SSBP2: variants seen among roughly 807,000 people sequenced by gnomAD.
SSBP2 encodes single stranded DNA binding protein 2.
In SSBP2, 17 loss-of-function variants were observed where a neutral mutation model predicts 61.8. The observed-to-expected ratio is 0.28, with a 90% CI of 0.19 to 0.41. The LOEUF (loss-of-function observed/expected upper bound fraction) is 0.41. Ranked by LOEUF, SSBP2 falls within the 10% of genes least tolerant of loss-of-function variation. The pLI is 1.00. For synonymous variants in SSBP2, 139 were observed against 141.3 expected (o/e 0.98, Z 0.12); for missense variants, 310 against 458.7 (o/e 0.68, Z 2.96).
Position 81,502,369 on chromosome 5 carries a change from G to A in SSBP2, c.372+11259C>T, listed in dbSNP as rs78246445. ...GTCTCAAGGGCTGCTCTTTTTGGCT[G>A]GTTCCTCTTCATTTTCCTAATTTCT... On this transcript the variant is annotated intron_variant, in intron 5 of 16. Coordinates refer to ENST00000320672, the MANE Select transcript of SSBP2 (RefSeq NM_012446.5). 9.3e-3 allele frequency among the ~76,000 whole-genome samples: 1,418 copies of A among 152,216 alleles called. 20 individuals carry two copies. The highest frequency in any genetic ancestry group is 0.032 in the African/African-American group (1,310 of 41,526).
chr5:81,514,243 G>A (rs1176164692), intron 4 of SSBP2, among the ~76,000 whole-genome samples: 3 of 151,818 alleles, frequency 2.0e-5, no homozygotes, highest in South Asian at 2.1e-4. Context: ...ACTGTAACTG[G>A]TAGCCAAAGT....
chr5:81,439,428 T>C (rs1419713995), intron 14 of SSBP2, among the ~76,000 whole-genome samples: 1 of 152,136 alleles, frequency 6.6e-6, no homozygotes, highest in Non-Finnish European at 1.5e-5. Context: ...TTCTCACTAT[T>C]GTTAAAATTT....
At chr5:81,430,949 C>T (rs1175827417) in intron 15 of SSBP2, among the ~76,000 whole-genome samples, 1 of 152,112 alleles carries the variant, frequency 6.6e-6, no homozygotes, top group African/African-American at 2.4e-5. Flanking sequence ...AACAGAAGCT[C>T]CTCAATGGGA....
intron 2 of SSBP2, among the ~76,000 whole-genome samples, chr5:81,638,618 G>A (rs1748484535): frequency 6.6e-6 from 1 of 151,362 alleles, no homozygotes; most frequent in African/African-American, 2.4e-5. Context: ...GGGTATCCCT[G>A]TAAAAACTTT....
chr5:81,627,876 A>G (rs1747324579), intron 3 of SSBP2, among the ~76,000 whole-genome samples: 1 of 152,052 alleles, frequency 6.6e-6, no homozygotes, highest in Admixed American at 6.6e-5. Context: ...AGCCTGAGCA[A>G]CAACAGCAAA....
intron 1 of SSBP2, among the ~76,000 whole-genome samples, chr5:81,676,521 G>C (rs563143825): frequency 1.3e-5 from 2 of 152,104 alleles, no homozygotes; most frequent in South Asian, 4.2e-4. Context: ...AAACCACACC[G>C]AACAGTCCCC....
At position 81,615,504 on chromosome 5, in the gene SSBP2, T is replaced by A. The variant is rs759482204; in HGVS notation, c.251A>T (p.His84Leu). Residue 84 changes from histidine (H) to leucine (L), a missense_variant, in exon 4 of 17, where the codon CAC becomes CTC. By Grantham distance (99) the His-to-Leu change is moderately conservative (BLOSUM62 -3). Coordinates refer to ENST00000320672, the MANE Select transcript of SSBP2 (RefSeq NM_012446.5). ...ATGGAAGGCTTTTGCTTCACTTGAG[T>A]GTTCACATGTTTCACGTCTCTCTGG... is the stretch of plus-strand genomic sequence containing the variant. 1 of 1,613,822 alleles carries A rather than the reference T, an allele frequency of 6.2e-7. No homozygotes were observed. The highest frequency in any genetic ancestry group is 1.7e-5 in the Admixed American group (1 of 60,026).
At chr5:81,675,816 T>C (rs1459724904) in intron 1 of SSBP2, among the ~76,000 whole-genome samples, 2 of 152,150 alleles carry the variant, frequency 1.3e-5, no homozygotes, top group East Asian at 3.9e-4. Flanking sequence ...CACTCCCTAC[T>C]TGTTCTCCCC....
At chr5:81,636,836 T>C (rs996369622) in intron 2 of SSBP2, among the ~76,000 whole-genome samples, 3 of 152,244 alleles carry the variant, frequency 2.0e-5, no homozygotes, top group African/African-American at 7.2e-5. Context: ...CTGAATTTGC[T>C]TCATACTGTG....
intron 1 of SSBP2, among the ~76,000 whole-genome samples, chr5:81,654,267 T>G (rs1431445692): frequency 6.6e-6 from 1 of 152,064 alleles, no homozygotes; most frequent in Non-Finnish European, 1.5e-5. Flanking sequence ...ACCTAGTCAG[T>G]TTGTTTCTAA....
chr5:81,452,047 G>GTCCC (rs1398880419), intron 10 of SSBP2, among the ~76,000 whole-genome samples: 2 of 146,754 alleles, frequency 1.4e-5, no homozygotes, highest in African/African-American at 2.7e-5. Flanking sequence ...ACAGAGAGTA[G>GTCCC]ATGCCCATCA....
chr5:81,725,184 G>A (rs1419812408), intron 1 of SSBP2, among the ~76,000 whole-genome samples: 1 of 152,106 alleles, frequency 6.6e-6, no homozygotes, highest in Non-Finnish European at 1.5e-5. Flanking sequence ...TGAGCCACGT[G>A]AATAAGGGGA....
intron 1 of SSBP2, among the ~76,000 whole-genome samples, chr5:81,699,429 C>A (rs1467854927): frequency 6.6e-6 from 1 of 152,258 alleles, no homozygotes; most frequent in Non-Finnish European, 1.5e-5. Flanking sequence ...TGTTCTAAAT[C>A]CTTTGTTGTC....
At chr5:81,592,521 C>G (rs747508517) in intron 4 of SSBP2, among the ~76,000 whole-genome samples, 42 of 152,324 alleles carry the variant, frequency 2.8e-4, no homozygotes, top group Non-Finnish European at 4.1e-4. Flanking sequence ...AGCTTGAGAT[C>G]TGAGAATGGG....
At chr5:81,577,180 T>A (rs1240771071) in intron 4 of SSBP2, among the ~76,000 whole-genome samples, 1 of 152,084 alleles carries the variant, frequency 6.6e-6, no homozygotes, top group Non-Finnish European at 1.5e-5. Flanking sequence ...TTTTACAATA[T>A]AATAACATAT....
Position 81,660,200 on chromosome 5 carries a change from A to T in SSBP2, c.63-9861T>A, listed in dbSNP as rs142979864. Among the ~76,000 whole-genome samples, 1,269 of 152,322 alleles carry T rather than the reference A, an allele frequency of 8.3e-3. 27 individuals carry two copies. The highest frequency in any genetic ancestry group is 0.029 in the African/African-American group (1,216 of 41,582). ...TAATTAAACTAAAGAGCATCTGCAC[A>T]GCAAAAGAAACTAGCATGAGAGTGA... On this transcript the variant is annotated intron_variant, in intron 1 of 16. Coordinates refer to ENST00000320672, the MANE Select transcript of SSBP2 (RefSeq NM_012446.5).
At chr5:81,565,023 T>A (rs1773317652) in intron 4 of SSBP2, among the ~76,000 whole-genome samples, 1 of 152,238 alleles carries the variant, frequency 6.6e-6, no homozygotes, top group South Asian at 2.1e-4. Flanking sequence ...GCCATTGAAG[T>A]ATTCTTTGCA....
intron 1 of SSBP2, among the ~76,000 whole-genome samples, chr5:81,738,177 T>G (rs1485488126): frequency 1.3e-5 from 2 of 152,226 alleles, no homozygotes; most frequent in Non-Finnish European, 2.9e-5. Context: ...GTAGCACATA[T>G]GAAGCTTCCA....
At chr5:81,621,657 G>A (rs1337010949) in intron 3 of SSBP2, among the ~76,000 whole-genome samples, 1 of 76,096 alleles carries the variant, frequency 1.3e-5, no homozygotes, top group Admixed American at 1.7e-4. Context: ...ACATGCACAC[G>A]TATGTTTATT....
Sources: gnomAD v4.1 joint callset for allele counts (sites outside exome capture counted in the v4.1 genomes callset) on GRCh38, gnomAD v4.1.1 for gene constraint, MANE v1.5 for transcripts, NCBI Gene and HGNC (gene_info 2026-07-23, HGNC 2026-07-21) for gene names.